MINAR1: variants seen among roughly 807,000 people sequenced by gnomAD.
MINAR1 encodes membrane integral NOTCH2 associated receptor 1.
MINAR1 carries 40 observed loss-of-function variants against 65.1 expected under a neutral mutation model. The ratio of observed to expected loss-of-function variants is 0.61; its 90% CI spans 0.48 to 0.80. MINAR1 has a LOEUF of 0.80. Ranked by LOEUF, MINAR1 falls within the 30% of genes least tolerant of loss-of-function variation. The probability of loss-of-function intolerance (pLI) is 0.00; values close to 1 mark genes in which losing one functional copy is unlikely to be tolerated. For missense variants in MINAR1, 1,128 were observed against 1,148.0 expected, an observed-to-expected ratio of 0.98 and a Z score of 0.25; for synonymous variants, 482 against 449.1, an observed-to-expected ratio of 1.07 and a Z score of -0.93.
chr15:79,461,651 T>C (rs970534000), intron 2 of MINAR1, among the ~76,000 whole-genome samples: 2 of 152,216 alleles, frequency 1.3e-5, no homozygotes, highest in Admixed American at 1.3e-4. Flanking sequence ...GTCTTGATGG[T>C]CTAGAATAGC....
chr15:79,435,190 C>T (rs539048204), intron 1 of MINAR1, among the ~76,000 whole-genome samples: 5 of 151,948 alleles, frequency 3.3e-5, no homozygotes, highest in East Asian at 1.9e-4. Context: ...GTAGGAGAAT[C>T]GCTTGAACCT....
At chr15:79,467,446 A>G (rs1308734222) in intron 3 of MINAR1, among the ~76,000 whole-genome samples, 2 of 152,238 alleles carry the variant, frequency 1.3e-5, no homozygotes, top group African/African-American at 4.8e-5. Flanking sequence ...AATAGGATTC[A>G]CGGAAAATAC....
chr15:79,437,678 GGT>G, intron 1 of MINAR1, among the ~76,000 whole-genome samples: 1 of 116,116 alleles, frequency 8.6e-6, no homozygotes, highest in African/African-American at 3.1e-5. Flanking sequence ...GTGGGGTGTG[GGT>G]GGCGTGGGTA....
chr15:79,468,209 A>C lies in MINAR1; in HGVS notation c.2576A>C (p.Asn859Thr), dbSNP rs145963924. The change falls in exon 4 of 4, where the codon AAT (asparagine) becomes ACT (threonine). Residue 859 changes from asparagine (N) to threonine (T), a missense_variant. By Grantham distance (65) the Asn-to-Thr change is moderately conservative. Transcript: ENST00000305428. ...DLQTQESLNPNNLEYWMEDIY... is the reference protein window; with the variant it reads ...DLQTQESLNPTNLEYWMEDIY... ...TAGACGCAAGAATCTTTAAACCCAAATAATTTAGAGTACTGGATGGAAGAC... is the reference window on the plus strand; with the variant it reads ...TAGACGCAAGAATCTTTAAACCCAACTAATTTAGAGTACTGGATGGAAGAC... The C allele has an allele frequency of 1.1e-5, 18 of 1,613,814 alleles. No individual in the cohort carries two copies. The highest frequency in any genetic ancestry group is 1.4e-5 in the Non-Finnish European group (17 of 1,179,900).
intron 2 of MINAR1, among the ~76,000 whole-genome samples, chr15:79,458,767 A>T (rs1213527796): frequency 1.3e-5 from 2 of 152,232 alleles, no homozygotes; most frequent in Non-Finnish European, 2.9e-5. Context: ...GGCAAGCATC[A>T]CCAAGGATAT....
intron 1 of MINAR1, among the ~76,000 whole-genome samples, chr15:79,441,450 T>G (rs1395449007): frequency 6.6e-6 from 1 of 152,198 alleles, no homozygotes; most frequent in South Asian, 2.1e-4. Flanking sequence ...ACGGATGCAC[T>G]GCAATTTATA....
intron 1 of MINAR1, among the ~76,000 whole-genome samples, chr15:79,447,307 T>C (rs1478320466): frequency 6.6e-6 from 1 of 152,212 alleles, no homozygotes; most frequent in Non-Finnish European, 1.5e-5. Context: ...TTAATGCCAC[T>C]GTGTTTTGTA....
At chr15:79,463,915 A>G (rs891784329) in intron 3 of MINAR1, among the ~76,000 whole-genome samples, 2 of 152,136 alleles carry the variant, frequency 1.3e-5, no homozygotes, top group Non-Finnish European at 2.9e-5. Context: ...GTGTCTCCAG[A>G]TCACCACAGG....
the MINAR1 span, chr15:79,421,736 T>C: frequency 2.6e-5 from 4 of 152,116 alleles, no homozygotes; most frequent in Non-Finnish European, 5.9e-5. Flanking sequence ...ATATGAATGC[T>C]AGGGGTAAAG....
chr15:79,467,500 A>G (rs1179336971), intron 3 of MINAR1, among the ~76,000 whole-genome samples: 2 of 152,196 alleles, frequency 1.3e-5, no homozygotes, highest in African/African-American at 4.8e-5. Context: ...GATTAACCTC[A>G]GGGAGATCAG....
intron 1 of MINAR1, among the ~76,000 whole-genome samples, chr15:79,447,859 G>A (rs1486577074): frequency 6.6e-6 from 1 of 152,114 alleles, no homozygotes; most frequent in African/African-American, 2.4e-5. Flanking sequence ...TGTTTACTGT[G>A]CACCAGATTT....
intron 1 of MINAR1, among the ~76,000 whole-genome samples, chr15:79,451,182 T>G (rs1038879367): frequency 7.2e-5 from 11 of 152,176 alleles, no homozygotes; most frequent in African/African-American, 2.7e-4. Context: ...GTTCAGAAAT[T>G]TGGGGTGGCT....
chr15:79,456,023 A>C, intron 1 of MINAR1, 75 bp from the exon 2 acceptor site: 1 of 804,048 alleles, frequency 1.2e-6, no homozygotes, highest in Non-Finnish European at 2.0e-6. Flanking sequence ...ATGGTTTATA[A>C]GGAGCTTGAC....
chr15:79,451,648 G>T (rs1462952635), intron 1 of MINAR1, among the ~76,000 whole-genome samples: 1 of 150,892 alleles, frequency 6.6e-6, no homozygotes, highest in African/African-American at 2.4e-5. Context: ...TCCTCCTCCT[G>T]CCAGCTTCCC....
At chr15:79,449,944 G>A (rs778962477) in intron 1 of MINAR1, among the ~76,000 whole-genome samples, 4 of 151,906 alleles carry the variant, frequency 2.6e-5, no homozygotes, top group Non-Finnish European at 5.9e-5. Flanking sequence ...TAGTCTTTGC[G>A]GCCACTGCAG....
upstream of MINAR1, among the ~76,000 whole-genome samples, chr15:79,430,477 T>A (rs535796067): frequency 3.9e-5 from 6 of 152,206 alleles, no homozygotes; most frequent in Non-Finnish European, 7.3e-5. Context: ...TCAAATAATC[T>A]GCCCCTGAAC....
At chr15:79,451,282 C>A (rs1895189553) in intron 1 of MINAR1, among the ~76,000 whole-genome samples, 1 of 152,022 alleles carries the variant, frequency 6.6e-6, no homozygotes, top group African/African-American at 2.4e-5. Flanking sequence ...GTTTTAAAAC[C>A]ATCCCAGGTG....
At chr15:79,450,395 AAG>A (rs1407974562) in intron 1 of MINAR1, among the ~76,000 whole-genome samples, 3 of 152,164 alleles carry the variant, frequency 2.0e-5, no homozygotes, top group Non-Finnish European at 4.4e-5. Flanking sequence ...CGCACAAAGT[AAG>A]AGTCACATAG....
chr15:79,449,039 G>T (rs182181598), intron 1 of MINAR1, among the ~76,000 whole-genome samples: 3 of 152,258 alleles, frequency 2.0e-5, no homozygotes. Flanking sequence ...AATGAACAAG[G>T]TGCCACAGGG....
Sources: gnomAD v4.1 joint callset for allele counts (sites outside exome capture counted in the v4.1 genomes callset) on GRCh38, gnomAD v4.1.1 for gene constraint, MANE v1.5 for transcripts, NCBI Gene and HGNC (gene_info 2026-07-23, HGNC 2026-07-21) for gene names.